Variants in SLC4A7 observed in about 807,000 individuals in gnomAD.
The protein encoded by SLC4A7 is solute carrier family 4 member 7.
Under a neutral mutation model 137.6 loss-of-function variants are expected in SLC4A7, and 51 were observed. That is an observed-to-expected ratio of 0.37 (90% CI 0.30 to 0.47). SLC4A7 has a LOEUF of 0.47. Ranked by LOEUF, SLC4A7 falls within the 20% of genes least tolerant of loss-of-function variation. SLC4A7 has a pLI of 1.00. For missense variants in SLC4A7, 1,247 were observed against 1,525.4 expected (o/e 0.82, Z 3.04); for synonymous variants, 542 against 518.6 (o/e 1.05, Z -0.61).
chr3:27,478,659 A>G (rs1485131781), intron 1 of SLC4A7, among the ~76,000 whole-genome samples: 1 of 151,966 alleles, frequency 6.6e-6, no homozygotes, highest in African/African-American at 2.4e-5. Context: ...ATTTTAAAAC[A>G]TCCTCTTTGG....
intron 11 of SLC4A7, among the ~76,000 whole-genome samples, chr3:27,417,413 A>C (rs2054500766): frequency 6.6e-6 from 1 of 152,218 alleles, no homozygotes; most frequent in South Asian, 2.1e-4. Context: ...TGAACAAAAG[A>C]TAATCAGGAA....
intron 21 of SLC4A7, among the ~76,000 whole-genome samples, chr3:27,390,727 T>C (rs1412021478): frequency 6.6e-6 from 1 of 152,172 alleles, no homozygotes; most frequent in African/African-American, 2.4e-5. Context: ...TTCCTGCCAC[T>C]AGCCTATGAG....
chr3:27,394,527 T>C lies in SLC4A7; in HGVS notation c.3108A>G (p.Ser1036=). The change falls in exon 20 of 26, where the codon TCA becomes TCG. Residue 1036 remains serine, a synonymous_variant. Transcript: ENST00000454389. ...AATAAAGAAATTTTACCTTTAGGAC[T>C]GAAGTCATGAACACAGAGAGGCCCA... ...ILMGLSVFMT[S]VLKFIPMPVL... 3 of 1,613,670 alleles carry C rather than the reference T, an allele frequency of 1.9e-6. No homozygotes were observed. The highest frequency in any genetic ancestry group is 2.5e-6 in the Non-Finnish European group (3 of 1,179,682).
At chr3:27,476,244 T>G (rs1038411172) in intron 1 of SLC4A7, among the ~76,000 whole-genome samples, 2 of 152,324 alleles carry the variant, frequency 1.3e-5, no homozygotes, top group African/African-American at 2.4e-5. Context: ...GTGCTTAATA[T>G]TCACTTGCCT....
rs1271984867 is a variant in SLC4A7, at chr3:27,462,062, C to T, written c.61-9564G>A. ...GATATTCAACAAATGGAATTTAAGA[C>T]CCATCAGATTAGCAAAACAAATTTT... On this transcript the variant is annotated intron_variant, in intron 1 of 25. Transcript: ENST00000454389. Among the ~76,000 whole-genome samples, 4 of 150,308 alleles carry T rather than the reference C, an allele frequency of 2.7e-5. No homozygotes were observed. The South Asian group carries it at 8.4e-4, about 32-fold the overall frequency.
chr3:27,420,184 A>G (rs867683240), intron 10 of SLC4A7, among the ~76,000 whole-genome samples: 3 of 151,972 alleles, frequency 2.0e-5, no homozygotes, highest in Non-Finnish European at 4.4e-5. Flanking sequence ...AGAAAAGAAA[A>G]GAAAAAGAAA....
Position 27,394,611 on chromosome 3 carries a change from T to A in SLC4A7, c.3024A>T (p.Gln1008His), listed in dbSNP as rs1409720498. ...VESECSAPGEQPKFLGIREQR... is the reference protein window; with the variant it reads ...VESECSAPGEHPKFLGIREQR... The stretch of plus-strand genomic sequence containing the variant: ...GTTCACGAATTCCCAAAAACTTGGG[T>A]TGTTCCCCTGGAGCAGAACATTCAG... Residue 1008 changes from glutamine (Q) to histidine (H), a missense_variant, in exon 20 of 26, where the codon CAA (glutamine) becomes CAT (histidine). Gln to His is a conservative substitution (Grantham distance 24). Transcript: ENST00000454389. 3.7e-6 allele frequency: 6 copies of A among 1,614,116 alleles called. No individual in the cohort carries two copies. The highest frequency in any genetic ancestry group is 5.1e-6 in the Non-Finnish European group (6 of 1,179,996).
At chr3:27,476,090 A>G (rs1451971292) in intron 1 of SLC4A7, among the ~76,000 whole-genome samples, 1 of 152,216 alleles carries the variant, frequency 6.6e-6, no homozygotes, top group South Asian at 2.1e-4. Flanking sequence ...ATAATCATAT[A>G]TATCAAAAGT....
chr3:27,407,501 C>G (rs1576269144), intron 13 of SLC4A7, among the ~76,000 whole-genome samples: 1 of 151,410 alleles, frequency 6.6e-6, no homozygotes, highest in Non-Finnish European at 1.5e-5. Context: ...AAAAATCAGC[C>G]TATTACCCTG....
In SLC4A7 at chr3:27,373,070, G is replaced by GAGA. The variant is rs2049668108; in HGVS notation, c.*3693_*3694insTCT. On this transcript the variant is annotated 3_prime_UTR_variant, in exon 26 of 26. Coordinates refer to ENST00000454389, the MANE Select transcript of SLC4A7 (RefSeq NM_001321103.2). Reference sequence around the variant, plus strand: ...GGAAGACAATCTCCCCCATGGGGAAGAAAAAAAAAAAAAACCTTGAATAAT... The same window carrying GAGA: ...GGAAGACAATCTCCCCCATGGGGAAGAGAAAAAAAAAAAAAAACCTTGAATAAT... The GAGA allele has an allele frequency of 7.2e-6, 1 of 138,712 alleles. No homozygotes were observed. The highest frequency in any genetic ancestry group is 1.6e-5 in the Non-Finnish European group (1 of 64,388). 8.6% of individuals were successfully genotyped at this position (138,712 alleles called of 1,614,324 possible).
intron 1 of SLC4A7, among the ~76,000 whole-genome samples, chr3:27,480,906 G>A (rs952213324): frequency 1.3e-5 from 2 of 152,076 alleles, no homozygotes; most frequent in African/African-American, 2.4e-5. Context: ...TAAACTCAGC[G>A]AAGGCAGTAT....
intron 1 of SLC4A7, among the ~76,000 whole-genome samples, chr3:27,478,131 T>C (rs1358483143): frequency 1.3e-5 from 2 of 152,040 alleles, no homozygotes; most frequent in African/African-American, 4.8e-5. Flanking sequence ...ACTTCTCTAC[T>C]GCCTAAAATG....
At chr3:27,387,810 A>C (rs944014167) in intron 22 of SLC4A7, among the ~76,000 whole-genome samples, 10 of 152,168 alleles carry the variant, frequency 6.6e-5, no homozygotes, top group African/African-American at 2.4e-4. Context: ...ACAGCCAGCA[A>C]ACCTCCAGAA....
At chr3:27,461,441 T>C (rs966999679) in intron 1 of SLC4A7, among the ~76,000 whole-genome samples, 1 of 151,590 alleles carries the variant, frequency 6.6e-6, no homozygotes, top group Non-Finnish European at 1.5e-5. Flanking sequence ...ACAGATTCAT[T>C]TGAAGGCAGC....
intron 1 of SLC4A7, among the ~76,000 whole-genome samples, chr3:27,464,812 C>T (rs1243193566): frequency 6.6e-6 from 1 of 152,098 alleles, no homozygotes. Flanking sequence ...GGGGTGGAAC[C>T]GCGAAAAGTT....
intron 5 of SLC4A7, among the ~76,000 whole-genome samples, chr3:27,434,370 C>A (rs1489728438): frequency 2.0e-5 from 3 of 152,114 alleles, no homozygotes; most frequent in Non-Finnish European, 4.4e-5. Flanking sequence ...AAGTGCTTCC[C>A]TGTATGAATA....
At chr3:27,409,212 C>A (rs1004131735) in intron 13 of SLC4A7, 144 bp downstream of exon 13, 1 of 583,688 alleles carries the variant, frequency 1.7e-6, no homozygotes, top group Non-Finnish European at 2.9e-6. Flanking sequence ...ACAGCAATTA[C>A]CTTTGGGGAA....
At chr3:27,441,953 T>C (rs1342516779) in intron 3 of SLC4A7, among the ~76,000 whole-genome samples, 1 of 151,858 alleles carries the variant, frequency 6.6e-6, no homozygotes, top group Non-Finnish European at 1.5e-5. Flanking sequence ...TGGAGTGCAG[T>C]GACACGATCT....
chr3:27,457,357 T>A (rs752978569), intron 1 of SLC4A7, among the ~76,000 whole-genome samples: 1 of 152,162 alleles, frequency 6.6e-6, no homozygotes, highest in Non-Finnish European at 1.5e-5. Flanking sequence ...TTTTTACAAA[T>A]CTCTTCAATT....
Sources: allele counts gnomAD v4.1 joint callset (sites outside exome capture counted in the v4.1 genomes callset), GRCh38; gene constraint gnomAD v4.1.1; transcripts MANE v1.5; gene names NCBI Gene and HGNC (gene_info 2026-07-23, HGNC 2026-07-21).